KPNB1: variants seen among roughly 807,000 people sequenced by gnomAD.
KPNB1 encodes the protein importin subunit beta-1.
A neutral mutation model predicts 113.0 loss-of-function variants in KPNB1; 7 were observed. The ratio of observed to expected loss-of-function variants is 0.06; its 90% CI spans 0.04 to 0.12. The LOEUF (loss-of-function observed/expected upper bound fraction) is 0.12, where lower values mean the gene tolerates loss of function less well. KPNB1 is among the 10% of genes least tolerant of loss of function. KPNB1 has a pLI of 1.00. For missense variants in KPNB1, 400 were observed against 1,054.8 expected (o/e 0.38, Z 8.60); for synonymous variants, 363 against 378.6 (o/e 0.96, Z 0.48).
intron 6 of KPNB1, among the ~76,000 whole-genome samples, chr17:47,661,593 A>C (rs1336228837): frequency 6.6e-6 from 1 of 152,102 alleles, no homozygotes; most frequent in South Asian, 2.1e-4. Flanking sequence ...AAAAAATAAT[A>C]ATGATAATTA....
chr17:47,681,349 A>T (rs535560501), intron 21 of KPNB1, among the ~76,000 whole-genome samples: 13 of 146,742 alleles, frequency 8.9e-5, no homozygotes, highest in African/African-American at 3.3e-4. Flanking sequence ...GCTTATTGCA[A>T]CCTCTGCCTC....
chr17:47,654,964 A>G (rs1915678783), intron 3 of KPNB1, among the ~76,000 whole-genome samples: 1 of 152,094 alleles, frequency 6.6e-6, no homozygotes, highest in South Asian at 2.1e-4. Context: ...TTCATTTAAC[A>G]TCAATCAGAA....
intron 15 of KPNB1, 145 bp from the exon 16 acceptor site, chr17:47,676,264 A>T (rs2030612332): frequency 7.8e-6 from 5 of 640,018 alleles, no homozygotes; most frequent in Middle Eastern, 2.7e-4. Flanking sequence ...TAATGTCTTC[A>T]TGATGGAATC....
intron 7 of KPNB1, among the ~76,000 whole-genome samples, 162 bp from the exon 8 acceptor site, chr17:47,663,997 A>AAG (rs2030189109): frequency 6.6e-6 from 1 of 152,004 alleles, no homozygotes; most frequent in African/African-American, 2.4e-5. Context: ...AAAAAAAAAA[A>AAG]AAGAAAAGAA....
At chr17:47,665,185 G>T (rs1249702745) in intron 9 of KPNB1, 27 bp downstream of exon 9, 1 of 1,546,730 alleles carries the variant, frequency 6.5e-7, no homozygotes. Flanking sequence ...ATATAGGTAG[G>T]TAAGCTGTGG....
chr17:47,652,597 C>G (rs1368865573), intron 2 of KPNB1, 97 bp from the exon 3 acceptor site: 2 of 940,170 alleles, frequency 2.1e-6, no homozygotes, highest in Non-Finnish European at 3.0e-6. Context: ...AGTTCCCCCC[C>G]TCGCCGCCCC....
At position 47,650,075 on chromosome 17, in the gene KPNB1, A is replaced by C; in HGVS notation, c.-170A>C. ...AGTAAGGGAAGAGGAGAGGAAGGGG[A>C]GCCGGACCGACTACCCAGACAGAGC... On this transcript the variant is annotated 5_prime_UTR_variant, in exon 1 of 22. Coordinates refer to ENST00000290158, the MANE Select transcript of KPNB1 (RefSeq NM_002265.6). 1 of 1,395,214 alleles carries C rather than the reference A, an allele frequency of 7.2e-7. No homozygotes were observed. Among genetic ancestry groups the C allele is most frequent in the Non-Finnish European group, 9.3e-7 (1 of 1,080,418 alleles). The allele number at this position is 1,395,214 out of a possible 1,614,324, so 86.4% of individuals were successfully genotyped here.
chr17:47,658,214 G>A (rs2029965644), intron 4 of KPNB1, among the ~76,000 whole-genome samples: 2 of 152,236 alleles, frequency 1.3e-5, no homozygotes, highest in South Asian at 2.1e-4. Context: ...ACATAAAATG[G>A]TGTAGTATTT....
chr17:47,661,233 A>G (rs980469583), intron 6 of KPNB1, 55 bp downstream of exon 6: 22 of 1,282,862 alleles, frequency 1.7e-5, no homozygotes, highest in African/African-American at 7.3e-5. Context: ...GGAAATGTCA[A>G]ATCTAATATA....
intron 6 of KPNB1, 93 bp from the exon 7 acceptor site, chr17:47,662,994 TTA>T: frequency 1.4e-6 from 1 of 719,534 alleles, no homozygotes; most frequent in Admixed American, 2.1e-5. Context: ...TTTACCTCAA[TTA>T]ATCCTTAGGA....
intron 12 of KPNB1, among the ~76,000 whole-genome samples, chr17:47,671,215 C>T (rs770381273): frequency 3.3e-5 from 5 of 152,168 alleles, no homozygotes; most frequent in Non-Finnish European, 7.3e-5. Context: ...TGAGACTGCG[C>T]CATTGCACTC....
At chr17:47,663,352 CT>C (rs1337712278) in intron 7 of KPNB1, among the ~76,000 whole-genome samples, 174 bp downstream of exon 7, 1 of 152,158 alleles carries the variant, frequency 6.6e-6, no homozygotes, top group African/African-American at 2.4e-5. Context: ...CTGGTGCTAA[CT>C]TTGTGTGGGT....
In KPNB1 at chr17:47,680,004, T is replaced by C; in HGVS notation, c.2354-16T>C. ...GAGCCACCGCACCCGACCAATACCT[T>C]CTCTCTCTTTTATAGCGGATGTGAT... On this transcript the variant is annotated splice_polypyrimidine_tract_variant and intron_variant, in intron 19 of 21. Transcript: ENST00000290158. The C allele has an allele frequency of 6.3e-7, 1 of 1,575,466 alleles. No homozygotes were observed. The highest frequency in any genetic ancestry group is 1.1e-5 in the South Asian group (1 of 90,324).
At chr17:47,675,363 T>TG (rs1567894274) in intron 15 of KPNB1, among the ~76,000 whole-genome samples, 16 of 112,460 alleles carry the variant, frequency 1.4e-4, no homozygotes, top group Non-Finnish European at 1.6e-4. Flanking sequence ...GAGGTGTTGT[T>TG]TTTTTTTTGT....
At chr17:47,660,753 G>C (rs2030067679) in intron 5 of KPNB1, among the ~76,000 whole-genome samples, 1 of 152,138 alleles carries the variant, frequency 6.6e-6, no homozygotes. Flanking sequence ...CAGATGTTTT[G>C]AATTCTCTTA....
chr17:47,677,962 T>C, intron 17 of KPNB1, 84 bp from the exon 18 acceptor site: 1 of 1,350,008 alleles, frequency 7.4e-7, no homozygotes, highest in Non-Finnish European at 1.0e-6. Flanking sequence ...AAATCAATAG[T>C]TGCTTGTTAG....
chr17:47,670,973 C>T, intron 12 of KPNB1, 141 bp downstream of exon 12: 1 of 798,514 alleles, frequency 1.3e-6, no homozygotes, highest in Non-Finnish European at 1.9e-6. Flanking sequence ...TAAAAGAAAC[C>T]CGCTGGGCGC....
intron 5 of KPNB1, 101 bp from the exon 6 acceptor site, chr17:47,661,018 C>T (rs2030076436): frequency 1.1e-6 from 1 of 870,382 alleles, no homozygotes; most frequent in Non-Finnish European, 1.9e-6. Context: ...GTGTGGGGCC[C>T]TGAGGGGGAG....
chr17:47,663,015 C>G lies in KPNB1; in HGVS notation c.697-74C>G, dbSNP rs990838199. 4 of 810,030 alleles carry G rather than the reference C, an allele frequency of 4.9e-6. 1 individual carries two copies. In the Admixed American group the frequency reaches 5.1e-5, roughly 10 times the overall value. 50.2% of individuals were successfully genotyped at this position (810,030 alleles called of 1,614,324 possible). On this transcript the variant is annotated intron_variant, in intron 6 of 21. Coordinates refer to ENST00000290158, the MANE Select transcript of KPNB1 (RefSeq NM_002265.6). ...TCAATTAATCCTTAGGATTATTGGC[C>G]CATTTGAGTGAATCTAACTTTGTCA...
Sources: gnomAD v4.1 joint callset for allele counts (sites outside exome capture counted in the v4.1 genomes callset) on GRCh38, gnomAD v4.1.1 for gene constraint, MANE v1.5 for transcripts, NCBI Gene and HGNC (gene_info 2026-07-23, HGNC 2026-07-21) for gene names.